Variants in JAK2 observed in about 807,000 individuals in gnomAD.
JAK2 encodes Janus kinase 2, also known as tyrosine-protein kinase JAK2.
Under a neutral mutation model 139.3 loss-of-function variants are expected in JAK2, and 86 were observed. That is an observed-to-expected ratio of 0.62 (90% CI 0.52 to 0.74). The LOEUF (loss-of-function observed/expected upper bound fraction) is 0.74, where lower values mean the gene tolerates loss of function less well. Among genes scored for constraint, JAK2 ranks in the 30% least tolerant of loss-of-function variants. The pLI, the probability that JAK2 is intolerant of heterozygous loss-of-function variation, is 0.00. For missense variants in JAK2, 1,421 were observed against 1,360.3 expected, an observed-to-expected ratio of 1.04 and a Z score of -0.70; for synonymous variants, 490 against 437.7, an observed-to-expected ratio of 1.12 and a Z score of -1.49.
intron 8 of JAK2, among the ~76,000 whole-genome samples, chr9:5,058,624 C>T (rs1031558069): frequency 7.9e-5 from 12 of 152,166 alleles, no homozygotes; most frequent in African/African-American, 2.9e-4. Flanking sequence ...TTTAGGGAGC[C>T]ACCATGCTGT....
At chr9:5,042,421 GC>G (rs1554666341) in intron 4 of JAK2, among the ~76,000 whole-genome samples, 3 of 152,160 alleles carry the variant, frequency 2.0e-5, no homozygotes, top group Non-Finnish European at 2.9e-5. Flanking sequence ...ACAGGCGTGA[GC>G]CACCGCGCCC....
At chr9:5,043,350 G>C (rs1193548066) in intron 4 of JAK2, among the ~76,000 whole-genome samples, 1 of 151,104 alleles carries the variant, frequency 6.6e-6, no homozygotes, top group Non-Finnish European at 1.5e-5. Context: ...CCGAAAAAAA[G>C]ATGCCCAACA....
At chr9:5,110,752 C>T in intron 22 of JAK2, 1 of 377,480 alleles carries the variant, frequency 2.6e-6, no homozygotes, top group Non-Finnish European at 5.2e-6. Flanking sequence ...TTTCTTTGCT[C>T]TGCGGACTGG....
chr9:5,007,649 T>C (rs1391342193), intron 2 of JAK2, among the ~76,000 whole-genome samples: 1 of 152,040 alleles, frequency 6.6e-6, no homozygotes, highest in Admixed American at 6.6e-5. Context: ...CGTTTTTTAC[T>C]CATACTTTAA....
chr9:4,997,484 G>C (rs1006065804), intron 2 of JAK2, among the ~76,000 whole-genome samples: 4 of 152,104 alleles, frequency 2.6e-5, no homozygotes, highest in Admixed American at 2.6e-4. Flanking sequence ...GCCAAATCTT[G>C]CAAGAACTCA....
chr9:5,088,632 G>T (rs944114350), intron 19 of JAK2, among the ~76,000 whole-genome samples: 3 of 152,150 alleles, frequency 2.0e-5, no homozygotes, highest in Non-Finnish European at 4.4e-5. Flanking sequence ...CATAGACTGG[G>T]TAGCTTAAAC....
intron 6 of JAK2, among the ~76,000 whole-genome samples, chr9:5,052,505 T>C (rs1326816109): frequency 1.3e-5 from 2 of 152,136 alleles, no homozygotes; most frequent in African/African-American, 2.4e-5. Flanking sequence ...AATTTACAAA[T>C]CATAAATCTC....
At position 5,029,874 on chromosome 9, in the gene JAK2, G is replaced by A. The variant is rs1387976695; in HGVS notation, c.318G>A (p.Glu106=). ...CCAACCATGTCTTCCATATAGATGA[G>A]TCAACCAGGCATAATGTACTCTACA... The part of the protein sequence containing the change: ...YPPNHVFHID[E]STRHNVLYRI... The change falls in exon 4 of 25, where the codon GAG becomes GAA. Residue 106 remains glutamate, a synonymous_variant. Coordinates refer to ENST00000381652, the MANE Select transcript of JAK2 (RefSeq NM_004972.4). 22 of 1,612,484 alleles carry A rather than the reference G, an allele frequency of 1.4e-5. No homozygotes were observed. In the South Asian group the frequency reaches 2.4e-4, roughly 18 times the overall value.
At chr9:5,027,071 T>C (rs1444152023) in intron 3 of JAK2, among the ~76,000 whole-genome samples, 1 of 152,250 alleles carries the variant, frequency 6.6e-6, no homozygotes, top group Non-Finnish European at 1.5e-5. Context: ...CATGGATTTT[T>C]ATTATACCTC....
At chr9:5,018,096 A>G (rs1012014801) in intron 2 of JAK2, among the ~76,000 whole-genome samples, 2 of 152,248 alleles carry the variant, frequency 1.3e-5, no homozygotes, top group South Asian at 2.1e-4. Flanking sequence ...TTTACATTCA[A>G]GTTTATTCTT....
chr9:5,042,327 C>T (rs1470551557), intron 4 of JAK2, among the ~76,000 whole-genome samples: 2 of 150,888 alleles, frequency 1.3e-5, no homozygotes, highest in Non-Finnish European at 3.0e-5. Flanking sequence ...TTAGTAGAGA[C>T]GGGGTTTCAC....
At chr9:4,986,280 G>A (rs1470616646) in intron 2 of JAK2, among the ~76,000 whole-genome samples, 1 of 152,156 alleles carries the variant, frequency 6.6e-6, no homozygotes, top group Non-Finnish European at 1.5e-5. Flanking sequence ...AACGAAAAAC[G>A]TTGTCCATTA....
chr9:4,988,337 G>A (rs551516901), intron 2 of JAK2, among the ~76,000 whole-genome samples: 1 of 152,320 alleles, frequency 6.6e-6, no homozygotes, highest in South Asian at 2.1e-4. Context: ...TTCAGAGGTT[G>A]CTCCGATAAA....
intron 19 of JAK2, among the ~76,000 whole-genome samples, chr9:5,086,979 G>A (rs968740136): frequency 1.3e-5 from 2 of 151,916 alleles, no homozygotes; most frequent in African/African-American, 4.8e-5. Flanking sequence ...TTCCTAGTAC[G>A]GGAACAATAC....
chr9:5,045,697 C>G (rs1215316175), intron 5 of JAK2, among the ~76,000 whole-genome samples: 2 of 152,158 alleles, frequency 1.3e-5, no homozygotes, highest in Non-Finnish European at 2.9e-5. Flanking sequence ...GCTTATTTCA[C>G]TTAGCATAAT....
intron 2 of JAK2, among the ~76,000 whole-genome samples, chr9:5,002,924 T>G (rs1202593914): frequency 1.3e-5 from 2 of 151,976 alleles, no homozygotes; most frequent in African/African-American, 4.8e-5. Flanking sequence ...ATGAAGTAGA[T>G]AGAAGTTAAG....
chr9:5,111,232 A>G, intron 22 of JAK2: 4 of 568,582 alleles, frequency 7.0e-6, no homozygotes, highest in Non-Finnish European at 1.3e-5. Context: ...GCGCGGGCCT[A>G]TTCCTCCTTT....
intron 19 of JAK2, chr9:5,085,416 A>T (rs1820010521): frequency 6.5e-6 from 5 of 765,836 alleles, no homozygotes; most frequent in Admixed American, 1.7e-5. Context: ...CTGCTTTACA[A>T]CTGTTGGCTA....
At chr9:5,084,144 C>T (rs1348217570) in intron 19 of JAK2, among the ~76,000 whole-genome samples, 1 of 151,962 alleles carries the variant, frequency 6.6e-6, no homozygotes, top group Non-Finnish European at 1.5e-5. Context: ...CTAAGGAAGG[C>T]GTTTTCAAAA....
Sources: allele counts gnomAD v4.1 joint callset (sites outside exome capture counted in the v4.1 genomes callset), GRCh38; gene constraint gnomAD v4.1.1; transcripts MANE v1.5; gene names NCBI Gene and HGNC (gene_info 2026-07-23, HGNC 2026-07-21).